RNF182: variants seen among roughly 807,000 people sequenced by gnomAD.
RNF182 encodes the protein E3 ubiquitin-protein ligase RNF182.
In RNF182, 15 loss-of-function variants were observed where a neutral mutation model predicts 14.4. The observed-to-expected ratio is 1.04, with a 90% confidence interval of 0.70 to 1.60. The LOEUF is 1.60. Among genes scored for constraint, RNF182 ranks in the 40% most tolerant of loss-of-function variants. The pLI, the probability that RNF182 is intolerant of heterozygous loss-of-function variation, is 0.00. For missense variants in RNF182, 268 were observed against 294.8 expected, an observed-to-expected ratio of 0.91 and a Z score of 0.67; for synonymous variants, 128 against 122.9, an observed-to-expected ratio of 1.04 and a Z score of -0.27.
At position 13,977,855 on chromosome 6, in the gene RNF182, C is replaced by T; in HGVS notation, c.736C>T (p.Pro246Ser). Residue 246 changes from proline (P) to serine (S), a missense_variant, in exon 3 of 3, where the codon CCT becomes TCT. Pro to Ser is a moderately conservative substitution (Grantham distance 74). Transcript: ENST00000488300. ...TGAATTTCTAGACTGTATGGCACCT[C>T]CTTCTTAACTGATATGCAAAATAAG... is the stretch of plus-strand genomic sequence containing the variant. ...CHEFLDCMAP[P>S]S The T allele has an allele frequency of 6.2e-7, 1 of 1,606,758 alleles. No individual in the cohort carries two copies. The highest frequency in any genetic ancestry group is 8.5e-7 in the Non-Finnish European group (1 of 1,175,634).
At chr6:13,941,237 A>C (rs960094374) in intron 1 of RNF182, among the ~76,000 whole-genome samples, 1 of 152,104 alleles carries the variant, frequency 6.6e-6, no homozygotes, top group Non-Finnish European at 1.5e-5. Context: ...TTTTGAGGAT[A>C]TGTTATTGGA....
chr6:13,936,829 G>A (rs1294960722), intron 1 of RNF182, among the ~76,000 whole-genome samples: 1 of 152,172 alleles, frequency 6.6e-6, no homozygotes, highest in African/African-American at 2.4e-5. Context: ...GGGGTGGTAA[G>A]TGTGGGTAAA....
intron 1 of RNF182, among the ~76,000 whole-genome samples, chr6:13,941,676 TGTTA>T (rs1408376797): frequency 1.3e-5 from 2 of 152,126 alleles, no homozygotes; most frequent in Middle Eastern, 3.2e-3. Flanking sequence ...TCTCTTTTCT[TGTTA>T]GTTATACATT....
At chr6:13,941,784 T>C (rs932735655) in intron 1 of RNF182, among the ~76,000 whole-genome samples, 1 of 152,192 alleles carries the variant, frequency 6.6e-6, no homozygotes, top group Non-Finnish European at 1.5e-5. Context: ...CCTTCCGTGA[T>C]GGTGTAGTGT....
chr6:13,957,669 T>G lies in RNF182; in HGVS notation c.-366-16541T>G, dbSNP rs987385924. On this transcript the variant is annotated intron_variant, in intron 1 of 2. Coordinates refer to ENST00000488300, the MANE Select transcript of RNF182 (RefSeq NM_152737.4). ...AAAACGTTTTGGTTTGTGACTTTGTTTTTATTTTAGGATAATATTATAAAA... is the reference window on the plus strand; with the variant it reads ...AAAACGTTTTGGTTTGTGACTTTGTGTTTATTTTAGGATAATATTATAAAA... Among the ~76,000 whole-genome samples, 10 of 152,224 alleles carry G rather than the reference T, an allele frequency of 6.6e-5. 1 individual carries two copies. Among genetic ancestry groups the G allele is most frequent in the African/African-American group, 2.4e-4 (10 of 41,458 alleles).
At chr6:13,939,116 A>T (rs1332585963) in intron 1 of RNF182, among the ~76,000 whole-genome samples, 1 of 152,168 alleles carries the variant, frequency 6.6e-6, no homozygotes, top group Admixed American at 6.5e-5. Context: ...TTTTACATTG[A>T]TGTAATCCTG....
intron 1 of RNF182, among the ~76,000 whole-genome samples, chr6:13,927,109 AC>A (rs1279291080): frequency 6.6e-6 from 1 of 152,178 alleles, no homozygotes; most frequent in Non-Finnish European, 1.5e-5. Context: ...ACAGAAATCA[AC>A]AATCATGTAT....
chr6:13,950,725 G>T (rs1759568008), intron 1 of RNF182, among the ~76,000 whole-genome samples: 1 of 151,868 alleles, frequency 6.6e-6, no homozygotes, highest in African/African-American at 2.4e-5. Context: ...TTGAACTCCT[G>T]ATCTCAGGTA....
At chr6:13,925,170 C>T in intron 1 of RNF182, 147 bp downstream of exon 1, 1 of 137,408 alleles carries the variant, frequency 7.3e-6, no homozygotes, top group Non-Finnish European at 1.6e-5. Flanking sequence ...TCGGGCCGAG[C>T]GGCGCCGGGG....
rs149179624 is a variant in RNF182, at chr6:13,961,216, T to C, written c.-366-12994T>C. Among the ~76,000 whole-genome samples, 913 of 152,362 alleles carry C rather than the reference T, an allele frequency of 6.0e-3. 8 individuals carry two copies. The highest frequency in any genetic ancestry group is 0.04 in the South Asian group (194 of 4,830). ...TCTATAGACAGAAAACCTGTATACC[T>C]TCTGATACTGTGTTCAATGCATATT... On this transcript the variant is annotated intron_variant, in intron 1 of 2. Transcript: ENST00000488300.
chr6:13,968,271 A>G (rs1760086655), intron 1 of RNF182, among the ~76,000 whole-genome samples: 1 of 152,230 alleles, frequency 6.6e-6, no homozygotes, highest in South Asian at 2.1e-4. Flanking sequence ...TGCAAAGACG[A>G]TAACAGAATT....
chr6:13,979,069 G>T lies in RNF182; in HGVS notation c.*1206G>T, dbSNP rs969126591. 4 of 167,074 alleles carry T rather than the reference G, an allele frequency of 2.4e-5. No homozygotes were observed. Among genetic ancestry groups the T allele is most frequent in the African/African-American group, 9.7e-5 (4 of 41,450 alleles). 10.3% of individuals were successfully genotyped at this position (167,074 alleles called of 1,614,324 possible). ...GGAAGTAAAATGGCAGGGGCAGAGT[G>T]CAGCTTAACATGTTGCTATCCCTGT... On this transcript the variant is annotated 3_prime_UTR_variant, in exon 3 of 3. Coordinates refer to ENST00000488300, the MANE Select transcript of RNF182 (RefSeq NM_152737.4).
At chr6:13,929,105 A>G (rs1758905369) in intron 1 of RNF182, among the ~76,000 whole-genome samples, 1 of 152,174 alleles carries the variant, frequency 6.6e-6, no homozygotes, top group South Asian at 2.1e-4. Flanking sequence ...GACTCTCTTG[A>G]ATTGTGGTTT....
chr6:13,933,438 A>AT (rs70989895), intron 1 of RNF182, among the ~76,000 whole-genome samples: 47,881 of 151,512 alleles, frequency 0.32, 8,186 homozygotes, highest in East Asian at 0.61. Context: ...AGGCAGGAGG[A>AT]TGCTTGAGCT....
chr6:13,970,169 G>A (rs1486202770), intron 1 of RNF182, among the ~76,000 whole-genome samples: 1 of 152,034 alleles, frequency 6.6e-6, no homozygotes, highest in Non-Finnish European at 1.5e-5. Flanking sequence ...AAGCCTTCTG[G>A]TTACTTTGAA....
rs114229946 is a variant in RNF182, at chr6:13,931,425, C to T, written c.-367+6402C>T. Among the ~76,000 whole-genome samples the T allele has an allele frequency of 8.7e-3, 1,318 of 152,040 alleles. 13 individuals carry two copies. The highest frequency in any genetic ancestry group is 0.031 in the African/African-American group (1,268 of 41,448). ...GGGAGATTTCCTTGTTTTAGGATGCCGAAGGTCTGGAGTGTGGTATCAGGG... is the reference window on the plus strand; with the variant it reads ...GGGAGATTTCCTTGTTTTAGGATGCTGAAGGTCTGGAGTGTGGTATCAGGG... On this transcript the variant is annotated intron_variant, in intron 1 of 2. Transcript: ENST00000488300.
chr6:13,946,140 C>CATTATTATTGTTATT (rs1759434609), intron 1 of RNF182, among the ~76,000 whole-genome samples: 1 of 137,414 alleles, frequency 7.3e-6, no homozygotes, highest in African/African-American at 2.7e-5. Flanking sequence ...TAAAGCAAAA[C>CATTATTATTGTTATT]ATTATTATTA....
At chr6:13,928,865 T>G (rs1585027721) in intron 1 of RNF182, among the ~76,000 whole-genome samples, 1 of 138,762 alleles carries the variant, frequency 7.2e-6, no homozygotes, top group South Asian at 2.4e-4. Flanking sequence ...GGGGTGGGGG[T>G]GCGGTGGTGG....
At chr6:13,941,248 T>C (rs1759292262) in intron 1 of RNF182, among the ~76,000 whole-genome samples, 1 of 152,124 alleles carries the variant, frequency 6.6e-6, no homozygotes, top group Admixed American at 6.5e-5. Flanking sequence ...TGTTATTGGA[T>C]ATATACAAAC....
Sources: allele counts gnomAD v4.1 joint callset (sites outside exome capture counted in the v4.1 genomes callset), GRCh38; gene constraint gnomAD v4.1.1; transcripts MANE v1.5; gene names NCBI Gene and HGNC (gene_info 2026-07-23, HGNC 2026-07-21).